CILP: variants seen among roughly 807,000 people sequenced by gnomAD.
CILP encodes cartilage intermediate layer protein, also known as cartilage intermediate layer protein 1.
Under a neutral mutation model 82.5 loss-of-function variants are expected in CILP, and 75 were observed. The observed-to-expected ratio is 0.91, with a 90% confidence interval of 0.75 to 1.10. The LOEUF (loss-of-function observed/expected upper bound fraction) is 1.10. Among genes scored for constraint, CILP ranks in the 50% least tolerant of loss-of-function variants. CILP has a pLI of 0.00. For missense variants in CILP, 1,479 were observed against 1,530.8 expected, an observed-to-expected ratio of 0.97 and a Z score of 0.56; for synonymous variants, 530 against 580.3, an observed-to-expected ratio of 0.91 and a Z score of 1.25.
Position 65,196,671 on chromosome 15 carries a change from T to C in CILP, c.*60A>G. 2.2e-6 allele frequency: 3 copies of C among 1,364,640 alleles called. No individual in the cohort carries two copies. Among genetic ancestry groups the C allele is most frequent in the Non-Finnish European group, 3.0e-6 (3 of 1,004,324 alleles). The allele number at this position is 1,364,640 out of a possible 1,614,324, so 84.5% of individuals were successfully genotyped here. ...AATTAACCAAGTGACAGTTTGTGCA[T>C]CAGTCTCACAATGGCTGTCACATGA... is the stretch of plus-strand genomic sequence containing the variant. On this transcript the variant is annotated 3_prime_UTR_variant, in exon 9 of 9. Coordinates refer to ENST00000261883, the MANE Select transcript of CILP (RefSeq NM_003613.4).
rs201603047 is a variant in CILP at position 65,197,018 on chromosome 15, T to C, written c.3268A>G (p.Ile1090Val). ...TDQDPRTAKE[I>V]ALGRCFDGTS... ...CCATCAAAGCACCGGCCGAGCGCGA[T>C]CTCCTTGGCCGTGCGAGGGTCCTGG... Residue 1090 changes from isoleucine to valine, a missense_variant, in exon 9 of 9, where the codon ATC becomes GTC. By Grantham distance (29) the Ile-to-Val change is conservative (BLOSUM62 3). Transcript: ENST00000261883. The C allele has an allele frequency of 1.2e-6, 2 of 1,614,180 alleles. No individual in the cohort carries two copies. Among genetic ancestry groups the C allele is most frequent in the African/African-American group, 2.7e-5 (2 of 75,042 alleles).
chr15:65,195,211 C>A lies in CILP; in HGVS notation c.*1520G>T, dbSNP rs924948548. The A allele has an allele frequency of 6.6e-6, 1 of 152,242 alleles. No individual in the cohort carries two copies. The highest frequency in any genetic ancestry group is 6.5e-5 in the Admixed American group (1 of 15,282). The allele number at this position is 152,242 out of a possible 1,614,324, so 9.4% of individuals were successfully genotyped here. A position where few individuals can be genotyped will look rare whatever the true frequency, so the allele number is the denominator to read the frequency against. ...CCGGGCAGATGGTGATCCAAGAGTA[C>A]AAATCCAGCCCAGGCCAGAGATGGG... On this transcript the variant is annotated 3_prime_UTR_variant, in exon 9 of 9. Coordinates refer to ENST00000261883, the MANE Select transcript of CILP (RefSeq NM_003613.4).
Position 65,197,928 on chromosome 15 carries a change from G to GAAGCCAGT in CILP, c.2350_2357dup (p.Phe786LeufsTer153), listed in dbSNP as rs769951113. On this transcript the variant is annotated frameshift_variant, in exon 9 of 9. Transcript: ENST00000261883. LOFTEE classifies it high-confidence loss of function. ...GGCCCCAGGCCCTAGGGTTGGACAA[G>GAAGCCAGT]AAGCCAGTTCTAGGCTCCAGGTTAA... is the stretch of plus-strand genomic sequence containing the variant. 5.6e-6 allele frequency: 9 copies of GAAGCCAGT among 1,614,048 alleles called. No homozygotes were observed. The highest frequency in any genetic ancestry group is 7.6e-6 in the Non-Finnish European group (9 of 1,180,034).
chr15:65,207,184 T>C, intron 3 of CILP, 133 bp from the exon 4 acceptor site: 2 of 961,058 alleles, frequency 2.1e-6, no homozygotes, highest in Non-Finnish European at 3.0e-6. Context: ...AATCCCCTCT[T>C]ACACCTGCCA....
At chr15:65,209,543 CAG>C (rs1312781103) in intron 2 of CILP, 150 bp downstream of exon 2, 9 of 617,668 alleles carry the variant, frequency 1.5e-5, no homozygotes, top group African/African-American at 7.4e-5. Flanking sequence ...GAAAAACAAA[CAG>C]GGTATAAATT....
rs1478652054 is a variant in CILP at position 65,195,034 on chromosome 15, G to T, written c.*1697C>A. The T allele has an allele frequency of 6.6e-6, 1 of 152,284 alleles. No homozygotes were observed. The highest frequency in any genetic ancestry group is 1.5e-5 in the Non-Finnish European group (1 of 68,104). 9.4% of individuals were successfully genotyped at this position (152,284 alleles called of 1,614,324 possible). On this transcript the variant is annotated 3_prime_UTR_variant, in exon 9 of 9. Coordinates refer to ENST00000261883, the MANE Select transcript of CILP (RefSeq NM_003613.4). ...AGTCAGTGAGAGCTGCTTCCTGGGA[G>T]CAGTGGGACAGATGTGGAGTCTGGA...
At chr15:65,202,468 C>T (rs994804748) in intron 7 of CILP, among the ~76,000 whole-genome samples, 12 of 151,854 alleles carry the variant, frequency 7.9e-5, no homozygotes, top group Non-Finnish European at 1.5e-5. Context: ...TGCTCTGTCG[C>T]CTAGGCTAGA....
chr15:65,210,799 A>T (rs998532640), intron 1 of CILP, among the ~76,000 whole-genome samples: 1 of 152,210 alleles, frequency 6.6e-6, no homozygotes, highest in African/African-American at 2.4e-5. Context: ...CCCATGCTGC[A>T]GACCTTCTAG....
Position 65,194,862 on chromosome 15 carries a change from C to G in CILP, c.*1869G>C, listed in dbSNP as rs1447669827. ...CCCACCTTCCCCAGCAACCCACCCC[C>G]CCCCGACCCTCCCCCTCCCCCCGTG... On this transcript the variant is annotated 3_prime_UTR_variant, in exon 9 of 9. Transcript: ENST00000261883. The G allele has an allele frequency of 4.8e-5, 7 of 146,046 alleles. No individual in the cohort carries two copies. Among genetic ancestry groups the G allele is most frequent in the Non-Finnish European group, 1.1e-4 (7 of 66,298 alleles). 9.0% of individuals were successfully genotyped at this position (146,046 alleles called of 1,614,324 possible).
At chr15:65,199,227 A>C in intron 8 of CILP, 128 bp from the exon 9 acceptor site, 1 of 661,064 alleles carries the variant, frequency 1.5e-6, no homozygotes, top group Non-Finnish European at 2.5e-6. Context: ...TCTCATTCTC[A>C]CAGAACTCTC....
intron 2 of CILP, 111 bp from the exon 3 acceptor site, chr15:65,207,875 T>C: frequency 1.1e-6 from 1 of 890,322 alleles, no homozygotes; most frequent in East Asian, 2.6e-5. Flanking sequence ...GCACCAGGCA[T>C]GGGTTCAAAC....
At chr15:65,201,490 T>C (rs1389490469) in intron 8 of CILP, among the ~76,000 whole-genome samples, 2 of 151,638 alleles carry the variant, frequency 1.3e-5, no homozygotes, top group Admixed American at 6.6e-5. Context: ...TCCCAGCACT[T>C]TGGGAGGACG....
rs756391101 is a variant in CILP at position 65,197,943 on chromosome 15, C to G, written c.2343G>C (p.Glu781Asp). The G allele has an allele frequency of 6.2e-7, 1 of 1,614,152 alleles. No individual in the cohort carries two copies. The highest frequency in any genetic ancestry group is 8.5e-7 in the Non-Finnish European group (1 of 1,180,032). ...GGTTGGACAAGAAGCCAGTTCTAGGCTCCAGGTTAATCACGGAGATCACAA... is the reference window on the plus strand; with the variant it reads ...GGTTGGACAAGAAGCCAGTTCTAGGGTCCAGGTTAATCACGGAGATCACAA... ...QGVVISVINL[E>D]PRTGFLSNPR... is the part of the protein sequence containing the mutation. Residue 781 changes from glutamate (E) to aspartate (D), a missense_variant, in exon 9 of 9, where the codon GAG becomes GAC. Coordinates refer to ENST00000261883, the MANE Select transcript of CILP (RefSeq NM_003613.4).
intron 2 of CILP, 148 bp downstream of exon 2, chr15:65,209,547 G>A (rs1402125186): frequency 3.0e-6 from 2 of 663,384 alleles, no homozygotes; most frequent in East Asian, 2.6e-5. Context: ...AACAAACAGG[G>A]TATAAATTAC....
intron 7 of CILP, among the ~76,000 whole-genome samples, chr15:65,202,470 T>C (rs2088469244): frequency 6.6e-6 from 1 of 152,004 alleles, no homozygotes; most frequent in Admixed American, 6.6e-5. Flanking sequence ...CTCTGTCGCC[T>C]AGGCTAGAGT....
At chr15:65,207,832 G>A in intron 2 of CILP, 68 bp from the exon 3 acceptor site, 3 of 1,353,838 alleles carry the variant, frequency 2.2e-6, no homozygotes, top group Non-Finnish European at 3.2e-6. Context: ...TCAAGATGCA[G>A]GGAAACAGTG....
Position 65,195,192 on chromosome 15 carries a change from A to G in CILP, c.*1539T>C, listed in dbSNP as rs2088347255. On this transcript the variant is annotated 3_prime_UTR_variant, in exon 9 of 9. Coordinates refer to ENST00000261883, the MANE Select transcript of CILP (RefSeq NM_003613.4). ...CAAACCAAATTCCCAGGAGCCGGGC[A>G]GATGGTGATCCAAGAGTACAAATCC... 6.6e-6 allele frequency: 1 copy of G among 152,282 alleles called. No homozygotes were observed. Among genetic ancestry groups the G allele is most frequent in the African/African-American group, 2.4e-5 (1 of 41,460 alleles). The allele number at this position is 152,282 out of a possible 1,614,324, so 9.4% of individuals were successfully genotyped here. A position where few individuals can be genotyped will look rare whatever the true frequency, so the allele number is the denominator to read the frequency against.
At position 65,198,036 on chromosome 15, in the gene CILP, C is replaced by T; in HGVS notation, c.2250G>A (p.Arg750=). The stretch of plus-strand genomic sequence containing the variant: ...AGGCCCTCACCTTAACAAAGCACCG[C>T]CTGCTTTCAGGAACATCCAGGTTAA... The part of the protein sequence containing the change: ...RLFNLDVPES[R]RCFVKVRAYR... The change falls in exon 9 of 9, where the codon AGG becomes AGA. Residue 750 remains arginine (R), a synonymous_variant. Coordinates refer to ENST00000261883, the MANE Select transcript of CILP (RefSeq NM_003613.4). 6.2e-7 allele frequency: 1 copy of T among 1,614,240 alleles called. No homozygotes were observed. Among genetic ancestry groups the T allele is most frequent in the Non-Finnish European group, 8.5e-7 (1 of 1,180,040 alleles).
chr15:65,210,689 T>A (rs1460884172), intron 1 of CILP, among the ~76,000 whole-genome samples: 1 of 152,178 alleles, frequency 6.6e-6, no homozygotes. Context: ...CCCTTCAACA[T>A]CCTAAGTCCA....
Sources: allele counts gnomAD v4.1 joint callset (sites outside exome capture counted in the v4.1 genomes callset), GRCh38; gene constraint gnomAD v4.1.1; transcripts MANE v1.5; gene names NCBI Gene and HGNC (gene_info 2026-07-23, HGNC 2026-07-21).